SLC25A13: variants seen among roughly 807,000 people sequenced by gnomAD.
The protein encoded by SLC25A13 is electrogenic aspartate/glutamate antiporter SLC25A13, mitochondrial.
A neutral mutation model predicts 85.5 loss-of-function variants in SLC25A13; 70 were observed. That is an observed-to-expected ratio of 0.82 (90% CI 0.68 to 1.00). The LOEUF (loss-of-function observed/expected upper bound fraction) is 1.00. SLC25A13 is among the 50% of genes least tolerant of loss of function. The probability of loss-of-function intolerance (pLI) is 0.00; values close to 1 mark genes in which losing one functional copy is unlikely to be tolerated. For missense variants in SLC25A13, 765 were observed against 819.8 expected (o/e 0.93, Z 0.82); for synonymous variants, 259 against 288.7 (o/e 0.90, Z 1.04).
intron 4 of SLC25A13, among the ~76,000 whole-genome samples, chr7:96,226,615 A>T (rs1390824210): frequency 6.6e-6 from 1 of 151,956 alleles, no homozygotes; most frequent in Non-Finnish European, 1.5e-5. Flanking sequence ...TCTTACCCTT[A>T]TAGAAAATGT....
intron 2 of SLC25A13, chr7:96,283,757 T>C: frequency 4.9e-6 from 1 of 202,058 alleles, no homozygotes; most frequent in South Asian, 7.1e-5. Flanking sequence ...TTGTGAGAAC[T>C]CACGGGAAGG....
intron 6 of SLC25A13, 131 bp from the exon 7 acceptor site, chr7:96,191,378 T>C: frequency 9.9e-7 from 1 of 1,005,136 alleles, no homozygotes. Flanking sequence ...ACTATAAGTA[T>C]TTTTCTTTTG....
chr7:96,174,476 T>G (rs1308385839), intron 11 of SLC25A13, among the ~76,000 whole-genome samples: 1 of 152,234 alleles, frequency 6.6e-6, no homozygotes, highest in African/African-American at 2.4e-5. Flanking sequence ...CAACATTAAT[T>G]TCTACTAGTA....
chr7:96,234,940 A>C, intron 3 of SLC25A13, 23 bp from the exon 4 acceptor site: 2 of 1,571,846 alleles, frequency 1.3e-6, no homozygotes, highest in Non-Finnish European at 1.8e-6. Flanking sequence ...ACAAACATAA[A>C]GCAAAAGTCA....
chr7:96,248,479 C>T (rs1446717781), intron 3 of SLC25A13, among the ~76,000 whole-genome samples: 6 of 152,028 alleles, frequency 3.9e-5, no homozygotes, highest in East Asian at 3.8e-4. Context: ...GATACTACTA[C>T]GATGATGAAG....
intron 1 of SLC25A13, among the ~76,000 whole-genome samples, chr7:96,321,651 C>G (rs975140380): frequency 2.6e-5 from 4 of 152,154 alleles, no homozygotes; most frequent in Admixed American, 2.6e-4. Context: ...CGCTCCTCCT[C>G]GTCGGCCCTG....
intron 6 of SLC25A13, among the ~76,000 whole-genome samples, chr7:96,192,592 C>T (rs1794897652): frequency 6.6e-6 from 1 of 151,974 alleles, no homozygotes; most frequent in Non-Finnish European, 1.5e-5. Flanking sequence ...ACATGTAACT[C>T]TGTGGCCTCG....
At chr7:96,196,921 T>C (rs553497695) in intron 5 of SLC25A13, among the ~76,000 whole-genome samples, 2 of 152,182 alleles carry the variant, frequency 1.3e-5, no homozygotes, top group African/African-American at 2.4e-5. Context: ...TTAGCAAGCA[T>C]GTATTATGCA....
In SLC25A13 at chr7:96,192,348, A is replaced by G. The variant is rs189365282; in HGVS notation, c.615+689T>C. On this transcript the variant is annotated intron_variant, in intron 6 of 17. Transcript: ENST00000265631. The stretch of plus-strand genomic sequence containing the variant: ...ACCAAAATCACCCAGAAGCTTTACA[A>G]AATTAGATTCTAAGACCTCATCGCC... Among the ~76,000 whole-genome samples, 563 of 152,326 alleles carry G rather than the reference A, an allele frequency of 3.7e-3. 3 individuals are homozygous for G. Among genetic ancestry groups the G allele is most frequent in the African/African-American group, 0.013 (543 of 41,574 alleles).
chr7:96,182,411 C>A (rs1794452330), intron 11 of SLC25A13, among the ~76,000 whole-genome samples: 2 of 152,234 alleles, frequency 1.3e-5, no homozygotes, highest in South Asian at 4.1e-4. Flanking sequence ...ACAGACAGCT[C>A]TGTCTCTTGC....
intron 3 of SLC25A13, among the ~76,000 whole-genome samples, chr7:96,249,313 C>T (rs557306900): frequency 2.0e-5 from 3 of 152,142 alleles, no homozygotes; most frequent in East Asian, 3.8e-4. Flanking sequence ...TAAAAACTGG[C>T]GCAAGATCTG....
At chr7:96,208,056 A>G (rs908385111) in intron 5 of SLC25A13, among the ~76,000 whole-genome samples, 9 of 152,316 alleles carry the variant, frequency 5.9e-5, no homozygotes, top group Middle Eastern at 3.4e-3. Context: ...TGATTCCAAC[A>G]TGCAGCCAAG....
In SLC25A13 at chr7:96,208,836, A is replaced by G; in HGVS notation, c.468+2T>C. 6.2e-7 allele frequency: 1 copy of G among 1,613,970 alleles called. No homozygotes were observed. The highest frequency in any genetic ancestry group is 8.5e-7 in the Non-Finnish European group (1 of 1,179,942). Reference sequence around the variant, plus strand: ...TTTTAACTTTTTAAGAGCTAGACCCACCAATAAAAACTGAGTAAATTCCGC... The same window carrying G: ...TTTTAACTTTTTAAGAGCTAGACCCGCCAATAAAAACTGAGTAAATTCCGC... On this transcript the variant is annotated splice_donor_variant, in intron 5 of 17. Coordinates refer to ENST00000265631, the MANE Select transcript of SLC25A13 (RefSeq NM_014251.3). LOFTEE classifies it high-confidence loss of function.
chr7:96,298,372 A>T (rs912535699), intron 1 of SLC25A13, among the ~76,000 whole-genome samples: 1 of 152,174 alleles, frequency 6.6e-6, no homozygotes, highest in East Asian at 1.9e-4. Context: ...AGCAAGACTG[A>T]TAACTCTTCA....
Position 96,121,134 on chromosome 7 carries a change from G to A in SLC25A13, c.*57C>T, listed in dbSNP as rs778227631. 1.7e-5 allele frequency: 26 copies of A among 1,563,164 alleles called. No individual in the cohort carries two copies. Among genetic ancestry groups the A allele is most frequent in the Non-Finnish European group, 2.1e-5 (24 of 1,133,974 alleles). On this transcript the variant is annotated 3_prime_UTR_variant, in exon 18 of 18. Coordinates refer to ENST00000265631, the MANE Select transcript of SLC25A13 (RefSeq NM_014251.3). ...TGAAGCATTGCTTCATTCCCAGGAG[G>A]GATGTTCTTTACTGCAGTACCCACA...
intron 1 of SLC25A13, among the ~76,000 whole-genome samples, chr7:96,305,246 C>T (rs1189798723): frequency 6.6e-6 from 1 of 152,052 alleles, no homozygotes; most frequent in African/African-American, 2.4e-5. Context: ...ATTATAATAC[C>T]TGAAGGATAT....
chr7:96,312,402 A>T (rs191253890), intron 1 of SLC25A13, among the ~76,000 whole-genome samples: 2 of 152,256 alleles, frequency 1.3e-5, no homozygotes, highest in African/African-American at 4.8e-5. Context: ...ACATATGCTA[A>T]TATTATTATT....
At chr7:96,281,990 G>A (rs1164805851) in intron 2 of SLC25A13, among the ~76,000 whole-genome samples, 1 of 152,150 alleles carries the variant, frequency 6.6e-6, no homozygotes, top group African/African-American at 2.4e-5. Flanking sequence ...GCAGTGAGCA[G>A]AGGGTCCCTA....
At chr7:96,264,948 T>C (rs1171028414) in intron 3 of SLC25A13, among the ~76,000 whole-genome samples, 3 of 152,240 alleles carry the variant, frequency 2.0e-5, no homozygotes, top group Non-Finnish European at 4.4e-5. Context: ...AACAGCTGCA[T>C]TCAATCTGCT....
Sources: allele counts gnomAD v4.1 joint callset (sites outside exome capture counted in the v4.1 genomes callset), GRCh38; gene constraint gnomAD v4.1.1; transcripts MANE v1.5; gene names NCBI Gene and HGNC (gene_info 2026-07-23, HGNC 2026-07-21).